The following TACC2 variants were observed in gnomAD, a reference collection of about 807,000 sequenced individuals.
The protein encoded by TACC2 is transforming acidic coiled-coil containing protein 2.
A neutral mutation model predicts 227.3 loss-of-function variants in TACC2; 137 were observed. That is an observed-to-expected ratio of 0.60 (90% CI 0.52 to 0.69). TACC2 has a LOEUF of 0.69. Among genes scored for constraint, TACC2 ranks in the 30% least tolerant of loss-of-function variants. TACC2 has a pLI of 0.00. For missense variants in TACC2, 3,470 were observed against 3,694.4 expected (o/e 0.94, Z 1.57); for synonymous variants, 1,523 against 1,487.5 (o/e 1.02, Z -0.55).
chr10:122,014,635 TCTGCCCACTGTGG>T (rs549848043), intron 1 of TACC2, among the ~76,000 whole-genome samples: 126 of 152,308 alleles, frequency 8.3e-4, no homozygotes, highest in African/African-American at 2.7e-3. Flanking sequence ...TTCCACCTGC[TCTGCCCACTGTGG>T]CTTCTGCAGT....
At chr10:122,149,826 A>G (rs2091845665) in intron 7 of TACC2, among the ~76,000 whole-genome samples, 1 of 152,194 alleles carries the variant, frequency 6.6e-6, no homozygotes, top group East Asian at 1.9e-4. Flanking sequence ...CTCTCGTGGC[A>G]TCATTCCTTG....
chr10:122,230,419 C>A lies in TACC2; in HGVS notation c.8106C>A (p.Ser2702=). Residue 2702 remains serine, a synonymous_variant, in exon 16 of 23, where the codon TCC becomes TCA. Coordinates refer to ENST00000369005, the MANE Select transcript of TACC2 (RefSeq NM_206862.4). Reference sequence around the variant, plus strand: ...TGGCCAGGCAGATTGCTTTGGCTTCCCGCAGCCACCAGGATGCCAAGGTAC... The same window carrying A: ...TGGCCAGGCAGATTGCTTTGGCTTCACGCAGCCACCAGGATGCCAAGGTAC... The part of the protein sequence containing the change: ...LKLARQIALA[S]RSHQDAKREA... 6.2e-7 allele frequency: 1 copy of A among 1,614,164 alleles called. No homozygotes were observed. Among genetic ancestry groups the A allele is most frequent in the Non-Finnish European group, 8.5e-7 (1 of 1,180,036 alleles).
intron 7 of TACC2, among the ~76,000 whole-genome samples, chr10:122,159,081 G>A (rs189434594): frequency 2.0e-4 from 30 of 152,334 alleles, no homozygotes; most frequent in African/African-American, 6.7e-4. Context: ...GGCTGGCAGG[G>A]AGCAGACCCC....
At chr10:122,051,937 A>G (rs1158445758) in intron 3 of TACC2, 1 of 151,992 alleles carries the variant, frequency 6.6e-6, no homozygotes, top group African/African-American at 2.4e-5. Flanking sequence ...GGAAATGGCA[A>G]TCAGATGGGG....
chr10:122,210,935 A>G lies in TACC2; in HGVS notation c.6510A>G (p.Ala2170=), dbSNP rs375248756. ...TTGTCCCCAGTGGGGAGAATCTAGC[A>G]TCTGAGACGAAAACGGAATCTGCCA... The part of the protein sequence containing the change: ...ESLVPSGENL[A]SETKTESAKT... The change falls in exon 9 of 23, where the codon GCA becomes GCG. Residue 2170 remains alanine, a synonymous_variant. Transcript: ENST00000369005. This position sits in a 1 kb window ranked among gnomAD's most constrained non-coding sequence, Gnocchi z 4.6. The G allele has an allele frequency of 4.3e-5, 69 of 1,613,872 alleles. No homozygotes were observed. Among genetic ancestry groups the G allele is most frequent in the Non-Finnish European group, 5.7e-5 (67 of 1,179,988 alleles).
At chr10:122,233,726 G>T (rs1482713283) in intron 16 of TACC2, among the ~76,000 whole-genome samples, 1 of 152,164 alleles carries the variant, frequency 6.6e-6, no homozygotes, top group African/African-American at 2.4e-5. Flanking sequence ...ACCAGCTCGC[G>T]AGCGCCTGTG....
At chr10:122,134,320 C>A (rs561422379) in intron 6 of TACC2, among the ~76,000 whole-genome samples, 9 of 151,798 alleles carry the variant, frequency 5.9e-5, no homozygotes, top group Non-Finnish European at 1.2e-4. Flanking sequence ...TACAGGCGTG[C>A]GCCACCATGC....
intron 2 of TACC2, among the ~76,000 whole-genome samples, chr10:122,046,006 T>C (rs2074940780): frequency 6.6e-6 from 1 of 151,112 alleles, no homozygotes; most frequent in Non-Finnish European, 1.5e-5. Context: ...CCCCCATCTC[T>C]ACTAAAAAAA....
chr10:122,184,385 GT>G (rs937328071), intron 7 of TACC2, among the ~76,000 whole-genome samples: 1 of 152,178 alleles, frequency 6.6e-6, no homozygotes, highest in African/African-American at 2.4e-5. Flanking sequence ...TCACTCCTCT[GT>G]TTCTTCCAAA....
rs747979426 is a variant in TACC2, at chr10:122,084,356, G to A, written c.1856G>A (p.Ser619Asn). The change falls in exon 4 of 23, where the codon AGC (serine) becomes AAC (asparagine). Residue 619 changes from serine to asparagine, a missense_variant. Ser to Asn is a conservative substitution (Grantham distance 46, BLOSUM62 1). Transcript: ENST00000369005. ...GGCAAAGATGAGCTTTCAAAGCCAA[G>A]CAGTGATGCAGAGAGCAGAGACCAT... ...EVGKDELSKP[S>N]SDAESRDHPS... The A allele has an allele frequency of 1.1e-5, 18 of 1,613,508 alleles. No individual in the cohort carries two copies. In the African/African-American group the frequency reaches 1.3e-4, roughly 12 times the overall value.
rs1336236763 is a variant in TACC2, at chr10:122,105,940, C to CTG, written c.5573+17350_5573+17351insGT. 1.0e-3 allele frequency among the ~76,000 whole-genome samples: 83 copies of CTG among 79,796 alleles called. No homozygotes were observed. The East Asian group carries it at 0.02, about 19-fold the overall frequency. The allele number at this position is 79,796 out of a possible 152,430, so 52.3% of individuals were successfully genotyped here. Reference sequence around the variant, plus strand: ...GCCTGGCCTGTCATAAACATTTTCTCTCTCTGTGTGTGTGTGTGTGTGTGT... The same window carrying CTG: ...GCCTGGCCTGTCATAAACATTTTCTCTGTCTCTGTGTGTGTGTGTGTGTGTGT... On this transcript the variant is annotated intron_variant, in intron 5 of 22. Coordinates refer to ENST00000369005, the MANE Select transcript of TACC2 (RefSeq NM_206862.4).
Position 122,085,831 on chromosome 10 carries a change from C to T in TACC2, c.3331C>T (p.Pro1111Ser). The T allele has an allele frequency of 6.2e-7, 1 of 1,613,116 alleles. No individual in the cohort carries two copies. Among genetic ancestry groups the T allele is most frequent in the South Asian group, 1.1e-5 (1 of 90,974 alleles). Residue 1111 changes from proline (P) to serine (S), a missense_variant, in exon 4 of 23, where the codon CCA becomes TCA. Pro to Ser is a moderately conservative substitution (Grantham distance 74). Transcript: ENST00000369005. ...ECWATSDAES[P>S]KLLASFPSAG... Reference sequence around the variant, plus strand: ...CTGGGCCACTTCGGATGCAGAGTCCCCAAAGCTTCTTGCAAGTTTCCCATC... The same window carrying T: ...CTGGGCCACTTCGGATGCAGAGTCCTCAAAGCTTCTTGCAAGTTTCCCATC...
intron 5 of TACC2, among the ~76,000 whole-genome samples, chr10:122,098,607 TA>T (rs1468435203): frequency 6.6e-6 from 1 of 152,136 alleles, no homozygotes; most frequent in African/African-American, 2.4e-5. Flanking sequence ...ATGTAAAAAA[TA>T]ACGTGTGAAA....
In TACC2 at chr10:122,021,985, G is replaced by A; in HGVS notation, c.4G>A (p.Gly2Ser). 6.2e-7 allele frequency: 1 copy of A among 1,614,086 alleles called. No homozygotes were observed. The highest frequency in any genetic ancestry group is 8.5e-7 in the Non-Finnish European group (1 of 1,180,008). Reference sequence around the variant, plus strand: ...ACGCTGGGAACACTGAATCAACATGGGCAATGAGAACAGCACCTCGGACAA... The same window carrying A: ...ACGCTGGGAACACTGAATCAACATGAGCAATGAGAACAGCACCTCGGACAA... M[G>S]NENSTSDNQR... Residue 2 changes from glycine (G) to serine (S), a missense_variant, in exon 2 of 23, where the codon GGC (glycine) becomes AGC (serine). Physicochemically the swap from Gly to Ser is moderately conservative, Grantham distance 56. Around this residue, in one of 10 missense-constraint regions of TACC2, gnomAD observed 405 missense variants for 389.6 expected, o/e 1.04. Coordinates refer to ENST00000369005, the MANE Select transcript of TACC2 (RefSeq NM_206862.4).
rs549086753 is a variant in TACC2, at chr10:122,180,152, C to T, written c.5835-14888C>T. Among the ~76,000 whole-genome samples the T allele has an allele frequency of 1.6e-4, 25 of 152,120 alleles. No individual in the cohort carries two copies. The highest frequency in any genetic ancestry group is 5.8e-4 in the African/African-American group (24 of 41,504). The stretch of plus-strand genomic sequence containing the variant: ...CTTTCAGACTCCTCATGGGTCTCAG[C>T]GAGGCCAGGTCATTGTCATTGTTAC... On this transcript the variant is annotated intron_variant, in intron 7 of 22. Coordinates refer to ENST00000369005, the MANE Select transcript of TACC2 (RefSeq NM_206862.4). The surrounding 1 kb of genome is among the most constrained non-coding windows in gnomAD (Gnocchi z 4.5).
intron 1 of TACC2, among the ~76,000 whole-genome samples, chr10:122,007,784 G>A (rs911040781): frequency 2.7e-4 from 41 of 151,962 alleles, no homozygotes; most frequent in African/African-American, 9.2e-4. Context: ...AACTCTCATT[G>A]AAATTCAGTC....
chr10:122,063,437 G>T (rs1345543625), intron 3 of TACC2, among the ~76,000 whole-genome samples: 1 of 152,236 alleles, frequency 6.6e-6, no homozygotes, highest in African/African-American at 2.4e-5. Context: ...GAGAGGAGGA[G>T]TGAGCTCCTG....
chr10:122,220,657 A>G lies in TACC2; in HGVS notation c.7546+3829A>G, dbSNP rs557378646. On this transcript the variant is annotated intron_variant, in intron 11 of 22. Transcript: ENST00000369005. ...TGTGAGACTTACACTAAAGTCACCA[A>G]CCACAGGAAAAGGAAATGTTGGGTG... 2.4e-4 allele frequency among the ~76,000 whole-genome samples: 36 copies of G among 152,388 alleles called. 2 individuals are homozygous for G. Among genetic ancestry groups the G allele is most frequent in the Admixed American group, 1.9e-3 (29 of 15,308 alleles).
intron 7 of TACC2, among the ~76,000 whole-genome samples, chr10:122,188,931 G>A (rs1360172100): frequency 6.6e-6 from 1 of 152,238 alleles, no homozygotes; most frequent in Non-Finnish European, 1.5e-5. Flanking sequence ...AGCTAGCTTG[G>A]TGTTTGTTCA....
Sources: gnomAD v4.1 joint callset for allele counts (sites outside exome capture counted in the v4.1 genomes callset) on GRCh38, gnomAD v4.1.1 for gene constraint, gnomAD v4.1.1 regional missense constraint, Gnocchi (gnomAD v3.1) non-coding constraint, MANE v1.5 for transcripts, NCBI Gene and HGNC (gene_info 2026-07-23, HGNC 2026-07-21) for gene names.